Variants in ZNF750 observed in about 807,000 individuals in gnomAD.
The protein encoded by ZNF750 is protein ZNF750.
ZNF750 carries 10 observed loss-of-function variants against 31.6 expected under a neutral mutation model. The ratio of observed to expected loss-of-function variants is 0.32; its 90% CI spans 0.19 to 0.54. ZNF750 has a LOEUF of 0.54. Ranked by LOEUF, ZNF750 falls within the 20% of genes least tolerant of loss-of-function variation. The pLI is 0.95. For missense variants in ZNF750, 914 were observed against 934.9 expected, an observed-to-expected ratio of 0.98 and a Z score of 0.29; for synonymous variants, 400 against 404.9, an observed-to-expected ratio of 0.99 and a Z score of 0.15.
chr17:82,839,866 A>T (rs74002551), intron 1 of ZNF750, 61 bp downstream of exon 1: 1 of 152,256 alleles, frequency 6.6e-6, no homozygotes, highest in Admixed American at 6.5e-5. Context: ...GGTATTTTAG[A>T]TACGTCTGAG....
Position 82,830,751 on chromosome 17 carries a change from C to G in ZNF750, c.1563G>C (p.Glu521Asp), listed in dbSNP as rs1220308096. ...GTTCGTGGGTGGCTGCCAGGTTTATCTCTGATTTCTTGGAGAGGTTGAGGG... is the reference window on the plus strand; with the variant it reads ...GTTCGTGGGTGGCTGCCAGGTTTATGTCTGATTTCTTGGAGAGGTTGAGGG... ...MGPLNLSKKS[E>D]INLAATHEPT... Residue 521 changes from glutamate (E) to aspartate (D), a missense_variant, in exon 3 of 3, where the codon GAG becomes GAC. Glu to Asp is a conservative substitution (Grantham distance 45, BLOSUM62 2). Around this residue, in one of 2 missense-constraint regions of ZNF750, gnomAD observed 880 missense variants for 868.9 expected, o/e 1.01. Transcript: ENST00000269394. 6.2e-7 allele frequency: 1 copy of G among 1,613,816 alleles called. No individual in the cohort carries two copies. The highest frequency in any genetic ancestry group is 1.3e-5 in the African/African-American group (1 of 74,898).
chr17:82,834,266 A>T (rs115874992), intron 1 of ZNF750, among the ~76,000 whole-genome samples: 1,549 of 152,276 alleles, frequency 0.01, 33 homozygotes, highest in African/African-American at 0.035. Context: ...AGGCTTTGAG[A>T]GTCTGGGACT....
At position 82,832,764 on chromosome 17, in the gene ZNF750, T is replaced by C. The variant is rs1390308719; in HGVS notation, c.-182-128A>G. On this transcript the variant is annotated intron_variant, in intron 1 of 2. Coordinates refer to ENST00000269394, the MANE Select transcript of ZNF750 (RefSeq NM_024702.3). This position sits in a 1 kb window ranked among gnomAD's most constrained non-coding sequence, Gnocchi z 4.9. ...CTGAAGGGCTGAAACTGCCTGCTCC[T>C]GAGGGGAGCAGCTGCCGGTCACAGA... The C allele has an allele frequency of 2.3e-6, 1 of 444,066 alleles. No individual in the cohort carries two copies. Among genetic ancestry groups the C allele is most frequent in the African/African-American group, 2.0e-5 (1 of 50,336 alleles). 27.5% of individuals were successfully genotyped at this position (444,066 alleles called of 1,614,324 possible).
At position 82,829,792 on chromosome 17, in the gene ZNF750, A is replaced by G. The variant is rs1361330927; in HGVS notation, c.*350T>C. ...TGTCATTTACATCAAATATGCAGCT[A>G]GAGCTAATAGAAAAACAGTTAAAAC... On this transcript the variant is annotated 3_prime_UTR_variant, in exon 3 of 3. Coordinates refer to ENST00000269394, the MANE Select transcript of ZNF750 (RefSeq NM_024702.3). 3.9e-5 allele frequency: 10 copies of G among 259,674 alleles called. No homozygotes were observed. In the East Asian group the frequency reaches 8.4e-4, roughly 22 times the overall value. The allele number at this position is 259,674 out of a possible 1,614,324, so 16.1% of individuals were successfully genotyped here.
In ZNF750 at chr17:82,835,521, C is replaced by G. The variant is rs1281047320; in HGVS notation, c.-182-2885G>C. Among the ~76,000 whole-genome samples, 1 of 152,154 alleles carries G rather than the reference C, an allele frequency of 6.6e-6. No individual in the cohort carries two copies. The highest frequency in any genetic ancestry group is 2.4e-5 in the African/African-American group (1 of 41,418). On this transcript the variant is annotated intron_variant, in intron 1 of 2. Coordinates refer to ENST00000269394, the MANE Select transcript of ZNF750 (RefSeq NM_024702.3). The surrounding 1 kb of genome is among the most constrained non-coding windows in gnomAD (Gnocchi z 4.5). ...CACTGCAACCTCTGCCTCCTGGGTT[C>G]AAGAGATTCTCCTGCCTCAGCCTCC...
chr17:82,830,994 G>C, intron 2 of ZNF750, 25 bp downstream of exon 2: 1 of 1,613,860 alleles, frequency 6.2e-7, no homozygotes. Context: ...TTCCCTTGGA[G>C]GTTTTGAAAA....
chr17:82,836,423 T>TC (rs2053980486), intron 1 of ZNF750, among the ~76,000 whole-genome samples: 1 of 152,232 alleles, frequency 6.6e-6, no homozygotes, highest in Non-Finnish European at 1.5e-5. Context: ...TGCAAAATGT[T>TC]CATCAAGTGA....
chr17:82,835,478 A>G lies in ZNF750; in HGVS notation c.-182-2842T>C, dbSNP rs1194747559. Among the ~76,000 whole-genome samples, 1 of 152,136 alleles carries G rather than the reference A, an allele frequency of 6.6e-6. No individual in the cohort carries two copies. The highest frequency in any genetic ancestry group is 1.9e-4 in the East Asian group (1 of 5,192). On this transcript the variant is annotated intron_variant, in intron 1 of 2. Coordinates refer to ENST00000269394, the MANE Select transcript of ZNF750 (RefSeq NM_024702.3). The surrounding 1 kb of genome is among the most constrained non-coding windows in gnomAD (Gnocchi z 4.5). The stretch of plus-strand genomic sequence containing the variant: ...GGTCTTGTTGCCCAGGCTGGAGGGC[A>G]GTGGTGCGATCTCGGTTCACTGCAA...
intron 1 of ZNF750, chr17:82,838,809 G>T: frequency 1.0e-6 from 1 of 985,434 alleles, no homozygotes; most frequent in Non-Finnish European, 1.2e-6. Flanking sequence ...AGTTTCGGCA[G>T]GAGATCCCGA....
Position 82,831,329 on chromosome 17 carries a change from C to A in ZNF750, c.1126G>T (p.Glu376Ter). 1 of 1,614,026 alleles carries A rather than the reference C, an allele frequency of 6.2e-7. No individual in the cohort carries two copies. Among genetic ancestry groups the A allele is most frequent in the Non-Finnish European group, 8.5e-7 (1 of 1,180,036 alleles). ...GCCTCAGGAATTGGACTTTCGAACT[C>A]GACGTGTTTTCTGTTGGGGTCCGAA... ...NPSDPNRKHV[E>*]FESPIPEAKD... Residue 376 changes from glutamate (E) to a stop codon, truncating the protein, a stop_gained, in exon 2 of 3, where the codon GAG (glutamate) becomes TAG (stop). Coordinates refer to ENST00000269394, the MANE Select transcript of ZNF750 (RefSeq NM_024702.3). LOFTEE classifies it high-confidence loss of function. The surrounding 1 kb of genome is among the most constrained non-coding windows in gnomAD (Gnocchi z 4.6).
At position 82,833,685 on chromosome 17, in the gene ZNF750, C is replaced by T. The variant is rs571373367; in HGVS notation, c.-182-1049G>A. On this transcript the variant is annotated intron_variant, in intron 1 of 2. Coordinates refer to ENST00000269394, the MANE Select transcript of ZNF750 (RefSeq NM_024702.3). This position sits in a 1 kb window ranked among gnomAD's most constrained non-coding sequence, Gnocchi z 4.7. Reference sequence around the variant, plus strand: ...ACCAAAGCTTTGCCACACTCCTGCCCGAGAGGAGACCAGAGTGAGTAGTAT... The same window carrying T: ...ACCAAAGCTTTGCCACACTCCTGCCTGAGAGGAGACCAGAGTGAGTAGTAT... Among the ~76,000 whole-genome samples the T allele has an allele frequency of 5.7e-4, 87 of 152,250 alleles. 1 individual carries two copies. The highest frequency in any genetic ancestry group is 3.4e-3 in the Middle Eastern group (1 of 294).
In ZNF750 at chr17:82,832,567, C is replaced by T; in HGVS notation, c.-113G>A. On this transcript the variant is annotated 5_prime_UTR_variant, in exon 2 of 3. Transcript: ENST00000269394. This position sits in a 1 kb window ranked among gnomAD's most constrained non-coding sequence, Gnocchi z 4.9. The stretch of plus-strand genomic sequence containing the variant: ...CTCCCGCTTTGCTTTCTTTCCCGAT[C>T]ACTTCTATCAGAAGCCAGCTCTGCG... The T allele has an allele frequency of 1.1e-6, 1 of 890,426 alleles. No individual in the cohort carries two copies. The highest frequency in any genetic ancestry group is 1.8e-6 in the Non-Finnish European group (1 of 555,156). 55.2% of individuals were successfully genotyped at this position (890,426 alleles called of 1,614,324 possible).
chr17:82,831,258 T>A lies in ZNF750; in HGVS notation c.1197A>T (p.Lys399Asn). 6.2e-7 allele frequency: 1 copy of A among 1,613,852 alleles called. No individual in the cohort carries two copies. The highest frequency in any genetic ancestry group is 8.5e-7 in the Non-Finnish European group (1 of 1,180,022). The part of the protein sequence containing the change: ...KAGQRDTEGS[K>N]MSPRAGSAAT... ...CTGCACTCCCTGCGCGGGGGCTCATTTTGGACCCTTCCGTGTCTCTCTGCC... is the reference window on the plus strand; with the variant it reads ...CTGCACTCCCTGCGCGGGGGCTCATATTGGACCCTTCCGTGTCTCTCTGCC... The change falls in exon 2 of 3, where the codon AAA (lysine) becomes AAT (asparagine). Residue 399 changes from lysine (K) to asparagine (N), a missense_variant. Lys to Asn is a moderately conservative substitution (Grantham distance 94, BLOSUM62 0). Transcript: ENST00000269394. This position sits in a 1 kb window ranked among gnomAD's most constrained non-coding sequence, Gnocchi z 4.6.
chr17:82,837,654 T>C (rs2054103409), intron 1 of ZNF750, among the ~76,000 whole-genome samples: 1 of 147,206 alleles, frequency 6.8e-6, no homozygotes, highest in African/African-American at 2.5e-5. Context: ...TGAAGGAGGG[T>C]TTCATCCTCC....
At position 82,830,215 on chromosome 17, in the gene ZNF750, T is replaced by C; in HGVS notation, c.2099A>G (p.Gln700Arg). The C allele has an allele frequency of 1.9e-6, 3 of 1,614,248 alleles. No homozygotes were observed. Among genetic ancestry groups the C allele is most frequent in the Non-Finnish European group, 1.7e-6 (2 of 1,180,046 alleles). Reference sequence around the variant, plus strand: ...CTGCAGCTTCGCCTTCTTAGCTCCTTGCTGGGATTTTCCAGCATCCCTTAG... The same window carrying C: ...CTGCAGCTTCGCCTTCTTAGCTCCTCGCTGGGATTTTCCAGCATCCCTTAG... ...TSLRDAGKSQ[Q>R]GAKKAKLQDT... The change falls in exon 3 of 3, where the codon CAA becomes CGA. Residue 700 changes from glutamine to arginine, a missense_variant. Gln to Arg is a conservative substitution (Grantham distance 43). Around this residue, in one of 2 missense-constraint regions of ZNF750, gnomAD observed 880 missense variants for 868.9 expected, o/e 1.01. Transcript: ENST00000269394.
In ZNF750 at chr17:82,830,190, C is replaced by G. The variant is rs755807043; in HGVS notation, c.2124G>C (p.Gln708His). 1.2e-6 allele frequency: 2 copies of G among 1,614,132 alleles called. No individual in the cohort carries two copies. Among genetic ancestry groups the G allele is most frequent in the Non-Finnish European group, 1.7e-6 (2 of 1,180,054 alleles). ...SQQGAKKAKL[Q>H]DTARVFTLRR... ...GTAGTGTGAACACTCTGGCCGTGTCCTGCAGCTTCGCCTTCTTAGCTCCTT... is the reference window on the plus strand; with the variant it reads ...GTAGTGTGAACACTCTGGCCGTGTCGTGCAGCTTCGCCTTCTTAGCTCCTT... The change falls in exon 3 of 3, where the codon CAG becomes CAC. Residue 708 changes from glutamine (Q) to histidine (H), a missense_variant. This residue lies in a region of ZNF750 where 880 missense variants were observed against 868.9 expected (regional missense o/e 1.01). Transcript: ENST00000269394.
At chr17:82,834,880 T>TA (rs148009121) in intron 1 of ZNF750, among the ~76,000 whole-genome samples, 5,738 of 149,348 alleles carry the variant, frequency 0.038, 374 homozygotes, top group African/African-American at 0.13. Flanking sequence ...TAAAGTATAA[T>TA]AAAAAAAAAA....
In ZNF750 at chr17:82,838,557, G is replaced by A. The variant is rs1439149141; in HGVS notation, c.-183+1370C>T. 20 of 715,010 alleles carry A rather than the reference G, an allele frequency of 2.8e-5. No individual in the cohort carries two copies. In the East Asian group the frequency reaches 1.1e-3, roughly 38 times the overall value. The allele number at this position is 715,010 out of a possible 1,614,324, so 44.3% of individuals were successfully genotyped here. ...TGTAATTACAATATTGTGATGTGGC[G>A]TTGTTGCATAACTCAAGGACACACC... On this transcript the variant is annotated intron_variant, in intron 1 of 2. Coordinates refer to ENST00000269394, the MANE Select transcript of ZNF750 (RefSeq NM_024702.3).
rs565214043 is a variant in ZNF750 at position 82,839,502 on chromosome 17, G to T, written c.-183+425C>A. Among the ~76,000 whole-genome samples the T allele has an allele frequency of 2.0e-3, 293 of 149,122 alleles. 1 individual carries two copies. The highest frequency in any genetic ancestry group is 6.6e-3 in the African/African-American group (263 of 39,906). On this transcript the variant is annotated intron_variant, in intron 1 of 2. Coordinates refer to ENST00000269394, the MANE Select transcript of ZNF750 (RefSeq NM_024702.3). ...ACACATATATATAACCCTAAATTCA[G>T]CCCTAATGTACATACACCACACATA...
Sources: gnomAD v4.1 joint callset for allele counts (sites outside exome capture counted in the v4.1 genomes callset) on GRCh38, gnomAD v4.1.1 for gene constraint, gnomAD v4.1.1 regional missense constraint, Gnocchi (gnomAD v3.1) non-coding constraint, MANE v1.5 for transcripts, NCBI Gene and HGNC (gene_info 2026-07-23, HGNC 2026-07-21) for gene names.